ADORA2B: variants seen among roughly 807,000 people sequenced by gnomAD.
The protein encoded by ADORA2B is adenosine A2b receptor.
Under a neutral mutation model 20.8 loss-of-function variants are expected in ADORA2B, and 18 were observed. The observed-to-expected ratio is 0.87, with a 90% CI of 0.60 to 1.29. The LOEUF is 1.29. Among genes scored for constraint, ADORA2B ranks in the 50% most tolerant of loss-of-function variants. The pLI is 0.00. For synonymous variants in ADORA2B, 179 were observed against 178.3 expected, an observed-to-expected ratio of 1.00 and a Z score of -0.03; for missense variants, 441 against 422.7, an observed-to-expected ratio of 1.04 and a Z score of -0.38.
At chr17:15,911,151 CATT>C in the ADORA2B span, among the ~76,000 whole-genome samples, 1 of 152,214 alleles carries the variant, frequency 6.6e-6, no homozygotes, top group African/African-American at 2.4e-5. Flanking sequence ...TGGCGATGGT[CATT>C]ATATCACCCG....
the ADORA2B span, among the ~76,000 whole-genome samples, chr17:15,851,202 A>G: frequency 6.7e-6 from 1 of 150,084 alleles, no homozygotes; most frequent in African/African-American, 2.5e-5. Context: ...CAAATATGAG[A>G]GATCACTGTA....
the ADORA2B span, among the ~76,000 whole-genome samples, chr17:15,855,390 C>T: frequency 6.6e-6 from 1 of 151,978 alleles, no homozygotes; most frequent in East Asian, 1.9e-4. Flanking sequence ...TGTGCTTGGC[C>T]TCTTGTGTAA....
the ADORA2B span, among the ~76,000 whole-genome samples, chr17:15,880,199 T>C: frequency 7.1e-6 from 1 of 140,250 alleles, no homozygotes; most frequent in Non-Finnish European, 1.5e-5. Flanking sequence ...CTGAGTCGGA[T>C]GTGTTGAAGT....
At chr17:15,901,525 A>G in the ADORA2B span, among the ~76,000 whole-genome samples, 2 of 151,612 alleles carry the variant, frequency 1.3e-5, no homozygotes, top group African/African-American at 4.8e-5. Flanking sequence ...TTTTTTTCAT[A>G]TTTACTATGT....
At chr17:15,871,923 A>G in the ADORA2B span, among the ~76,000 whole-genome samples, 1 of 152,118 alleles carries the variant, frequency 6.6e-6, no homozygotes, top group Non-Finnish European at 1.5e-5. Context: ...ATCATTGAAC[A>G]TGGGCTTTTT....
At chr17:15,961,325 A>G (rs976836796) in intron 1 of ADORA2B, among the ~76,000 whole-genome samples, 14 of 152,172 alleles carry the variant, frequency 9.2e-5, no homozygotes, top group Non-Finnish European at 1.6e-4. Flanking sequence ...GATTTTGCCA[A>G]ATGTCCCTCA....
At chr17:15,888,851 T>TATATATATATATA in the ADORA2B span, among the ~76,000 whole-genome samples, 1 of 6,962 alleles carries the variant, frequency 1.4e-4, no homozygotes, top group African/African-American at 1.1e-3. Context: ...TATATATATA[T>TATATATATATATA]TTTTTTTTTT....
chr17:15,907,261 C>G, the ADORA2B span, among the ~76,000 whole-genome samples: 3 of 151,902 alleles, frequency 2.0e-5, no homozygotes, highest in African/African-American at 7.3e-5. Flanking sequence ...GAATGTTTCA[C>G]TCCTTTCCCA....
At chr17:15,941,515 C>T (rs1310548822), upstream of ADORA2B, among the ~76,000 whole-genome samples, 1 of 151,968 alleles carries the variant, frequency 6.6e-6, no homozygotes, top group Non-Finnish European at 1.5e-5. Flanking sequence ...ATCGCTTGAG[C>T]CCAGGGGTTC....
the ADORA2B span, among the ~76,000 whole-genome samples, chr17:15,890,220 T>C: frequency 7.7e-6 from 1 of 129,592 alleles, no homozygotes; most frequent in East Asian, 2.0e-4. Context: ...TGAGTGAACA[T>C]GATACTTTAC....
chr17:15,896,723 GT>G, the ADORA2B span, among the ~76,000 whole-genome samples: 2 of 152,074 alleles, frequency 1.3e-5, no homozygotes, highest in Admixed American at 6.5e-5. Context: ...CCCCATACTT[GT>G]TCCTGTGTGG....
chr17:15,912,339 C>T, the ADORA2B span, among the ~76,000 whole-genome samples: 1 of 151,886 alleles, frequency 6.6e-6, no homozygotes, highest in Non-Finnish European at 1.5e-5. Context: ...ATGATTGCAC[C>T]ACTGCACTCC....
chr17:15,857,668 T>C, the ADORA2B span, among the ~76,000 whole-genome samples: 1 of 151,902 alleles, frequency 6.6e-6, no homozygotes, highest in Non-Finnish European at 1.5e-5. Flanking sequence ...ACTGCCCCAC[T>C]GGGTTTTGGA....
chr17:15,951,140 C>T (rs1969896473), intron 1 of ADORA2B, among the ~76,000 whole-genome samples: 1 of 152,212 alleles, frequency 6.6e-6, no homozygotes. Context: ...ACAGTGAGGG[C>T]CCAAGGGCTC....
chr17:15,920,014 A>T, the ADORA2B span, among the ~76,000 whole-genome samples: 106 of 152,332 alleles, frequency 7.0e-4, no homozygotes, highest in African/African-American at 2.0e-3. Context: ...AAAGTACCCC[A>T]GTGGCCCCCA....
chr17:15,931,742 CT>C, the ADORA2B span, among the ~76,000 whole-genome samples: 3 of 151,234 alleles, frequency 2.0e-5, no homozygotes, highest in Non-Finnish European at 4.4e-5. Flanking sequence ...GTCTTTTTCT[CT>C]TTTTTTTTGA....
At chr17:15,897,612 T>C in the ADORA2B span, among the ~76,000 whole-genome samples, 2 of 151,974 alleles carry the variant, frequency 1.3e-5, no homozygotes, top group Admixed American at 6.6e-5. Flanking sequence ...TAACCAGTAA[T>C]AATAAGACAA....
the ADORA2B span, among the ~76,000 whole-genome samples, chr17:15,886,002 C>G: frequency 1.2e-4 from 18 of 152,292 alleles, no homozygotes; most frequent in African/African-American, 4.1e-4. Flanking sequence ...CTTAGCGTGG[C>G]CAGTTGGTTC....
the ADORA2B span, among the ~76,000 whole-genome samples, chr17:15,854,455 A>C: frequency 6.6e-6 from 1 of 152,224 alleles, no homozygotes; most frequent in South Asian, 2.1e-4. Flanking sequence ...AAAACTAGGA[A>C]TAGAAGGGCA....
Sources: gnomAD v4.1 joint callset for allele counts (sites outside exome capture counted in the v4.1 genomes callset) on GRCh38, gnomAD v4.1.1 for gene constraint, MANE v1.5 for transcripts, NCBI Gene and HGNC (gene_info 2026-07-23, HGNC 2026-07-21) for gene names.